Variants in ZNF567 observed in about 807,000 individuals in gnomAD.
ZNF567 encodes zinc finger protein 567.
A neutral mutation model predicts 53.9 loss-of-function variants in ZNF567; 36 were observed. The ratio of observed to expected loss-of-function variants is 0.67; its 90% CI spans 0.51 to 0.88. ZNF567 has a LOEUF of 0.88. ZNF567 is among the 40% of genes least tolerant of loss of function. ZNF567 has a pLI of 0.00. For synonymous variants in ZNF567, 224 were observed against 260.4 expected (o/e 0.86, Z 1.35); for missense variants, 619 against 764.7 (o/e 0.81, Z 2.25).
chr19:36,678,482 C>T, the ZNF567 span, among the ~76,000 whole-genome samples: 1 of 152,074 alleles, frequency 6.6e-6, no homozygotes, highest in African/African-American at 2.4e-5. Flanking sequence ...AAAATACTTG[C>T]AAATCATATA....
rs1474028279 is a variant in ZNF567 at position 36,720,539 on chromosome 19, T to G, written c.1815T>G (p.Ile605Met). ...GKCFRQKTNLIVHQRTHTGEK... is the reference protein window; with the variant it reads ...GKCFRQKTNLMVHQRTHTGEK... ...GCTTCCGCCAGAAGACAAATCTTAT[T>G]GTACATCAGAGAACTCACACAGGTG... The change falls in exon 6 of 6, where the codon ATT becomes ATG. Residue 605 changes from isoleucine (I) to methionine (M), a missense_variant. Transcript: ENST00000682579. 1.2e-6 allele frequency: 2 copies of G among 1,614,050 alleles called. No homozygotes were observed. Among genetic ancestry groups the G allele is most frequent in the Non-Finnish European group, 1.7e-6 (2 of 1,180,026 alleles).
intron 3 of ZNF567, among the ~76,000 whole-genome samples, chr19:36,710,791 C>T (rs1210430928): frequency 2.0e-5 from 3 of 152,146 alleles, no homozygotes; most frequent in East Asian, 3.9e-4. Flanking sequence ...ACCTTAATCC[C>T]GTAAGCCTTA....
chr19:36,707,411 C>A (rs963565910), intron 3 of ZNF567, among the ~76,000 whole-genome samples: 4 of 151,970 alleles, frequency 2.6e-5, no homozygotes, highest in Non-Finnish European at 5.9e-5. Flanking sequence ...CTGATCTTTT[C>A]TTTCTTCAAT....
chr19:36,688,205 C>T (rs1413860906), intron 1 of ZNF567, among the ~76,000 whole-genome samples: 1 of 152,088 alleles, frequency 6.6e-6, no homozygotes, highest in Non-Finnish European at 1.5e-5. Context: ...TGAAATTGTG[C>T]ACGACGTGGG....
chr19:36,719,351 A>C lies in ZNF567; in HGVS notation c.627A>C (p.Ser209=). 1 of 1,613,928 alleles carries C rather than the reference A, an allele frequency of 6.2e-7. No individual in the cohort carries two copies. Among genetic ancestry groups the C allele is most frequent in the Non-Finnish European group, 8.5e-7 (1 of 1,179,974 alleles). Residue 209 remains serine (S), a synonymous_variant, in exon 6 of 6, where the codon TCA becomes TCC. Coordinates refer to ENST00000682579, the MANE Select transcript of ZNF567 (RefSeq NM_001322917.1). The part of the protein sequence containing the change: ...QYQKTETPAQ[S]FGYNDCEKSF... ...AGAAAACGGAAACTCCAGCACAGTCATTTGGATATAATGACTGTGAGAAAT... is the reference window on the plus strand; with the variant it reads ...AGAAAACGGAAACTCCAGCACAGTCCTTTGGATATAATGACTGTGAGAAAT...
chr19:36,694,811 C>T lies in ZNF567; in HGVS notation c.-57C>T, dbSNP rs1302987547. On this transcript the variant is annotated 5_prime_UTR_variant, in exon 3 of 6. Transcript: ENST00000682579. ...GGCTTTGCCTCCTTAGGAACTGCCT[C>T]TTTTCTAAAGAGGACTCCAAAGGAA... is the stretch of plus-strand genomic sequence containing the variant. 1.3e-6 allele frequency: 2 copies of T among 1,497,438 alleles called. No homozygotes were observed. The highest frequency in any genetic ancestry group is 1.4e-5 in the African/African-American group (1 of 70,152). 92.8% of individuals were successfully genotyped at this position (1,497,438 alleles called of 1,614,324 possible).
At chr19:36,680,466 C>T in the ZNF567 span, among the ~76,000 whole-genome samples, 1 of 152,104 alleles carries the variant, frequency 6.6e-6, no homozygotes, top group African/African-American at 2.4e-5. Context: ...ATGGCTGGGT[C>T]ACAAGGGAAA....
the ZNF567 span, among the ~76,000 whole-genome samples, chr19:36,671,368 A>AAT: frequency 6.6e-6 from 1 of 152,186 alleles, no homozygotes; most frequent in East Asian, 1.9e-4. Context: ...CTCCTCCTAC[A>AAT]GTCAAAAAGG....
the ZNF567 span, among the ~76,000 whole-genome samples, chr19:36,677,194 T>C: frequency 1.4e-5 from 2 of 138,942 alleles, no homozygotes; most frequent in Admixed American, 7.5e-5. Flanking sequence ...GTGTGGTGGC[T>C]CACGCCTGTA....
chr19:36,716,584 T>C (rs2040076209), intron 5 of ZNF567, among the ~76,000 whole-genome samples: 1 of 152,232 alleles, frequency 6.6e-6, no homozygotes, highest in Admixed American at 6.5e-5. Context: ...ATTCTTTTCC[T>C]CAAAGATAAG....
Position 36,720,313 on chromosome 19 carries a change from A to T in ZNF567, c.1589A>T (p.Glu530Val). 1.2e-6 allele frequency: 2 copies of T among 1,614,194 alleles called. No homozygotes were observed. Among genetic ancestry groups the T allele is most frequent in the Non-Finnish European group, 1.7e-6 (2 of 1,180,036 alleles). Reference protein sequence around the residue: ...LNLHQRIHTGEKPYVCNECGK... With the variant: ...LNLHQRIHTGVKPYVCNECGK... ...CTACATCAGAGAATTCATACAGGGG[A>T]GAAACCCTATGTTTGTAATGAATGT... The change falls in exon 6 of 6, where the codon GAG (glutamate) becomes GTG (valine). Residue 530 changes from glutamate (E) to valine (V), a missense_variant. By Grantham distance (121) the Glu-to-Val change is moderately radical. Transcript: ENST00000682579.
At chr19:36,668,542 T>G in the ZNF567 span, 1 of 152,250 alleles carries the variant, frequency 6.6e-6, no homozygotes, top group African/African-American at 2.4e-5. Flanking sequence ...ACCAGGAAGG[T>G]CTGAGATGGA....
At chr19:36,716,231 T>A (rs1273991397) in intron 5 of ZNF567, among the ~76,000 whole-genome samples, 1 of 152,188 alleles carries the variant, frequency 6.6e-6, no homozygotes, top group African/African-American at 2.4e-5. Flanking sequence ...AATTTCCACT[T>A]GATCTAGTCT....
the ZNF567 span, among the ~76,000 whole-genome samples, chr19:36,676,877 C>G: frequency 3.3e-5 from 5 of 151,952 alleles, no homozygotes; most frequent in East Asian, 9.7e-4. Flanking sequence ...AAGATAGGGC[C>G]GGGCGCGGTG....
At chr19:36,683,111 G>A (rs141199934), upstream of ZNF567, among the ~76,000 whole-genome samples, 21 of 151,590 alleles carry the variant, frequency 1.4e-4, no homozygotes, top group Admixed American at 2.6e-4. Context: ...TCACTCCAAC[G>A]CTCAGGTTGG....
At chr19:36,725,392 G>A (rs763088591), downstream of ZNF567, among the ~76,000 whole-genome samples, 4 of 152,006 alleles carry the variant, frequency 2.6e-5, no homozygotes, top group Non-Finnish European at 5.9e-5. Flanking sequence ...TAGTAGAAGC[G>A]GGGTTTCACC....
downstream of ZNF567, among the ~76,000 whole-genome samples, chr19:36,726,073 T>C (rs2040334157): frequency 6.6e-6 from 1 of 152,244 alleles, no homozygotes; most frequent in South Asian, 2.1e-4. Context: ...TTCCACTCTT[T>C]GTCCCTCCAT....
chr19:36,723,717 C>G (rs754981994), downstream of ZNF567, among the ~76,000 whole-genome samples: 5 of 151,910 alleles, frequency 3.3e-5, no homozygotes, highest in Non-Finnish European at 5.9e-5. Context: ...TCCTGTAATC[C>G]CAGCTACTCG....
intron 3 of ZNF567, among the ~76,000 whole-genome samples, chr19:36,701,564 C>T (rs1353429824): frequency 2.0e-5 from 3 of 152,114 alleles, no homozygotes; most frequent in East Asian, 3.9e-4. Context: ...GAGTCTAAGT[C>T]TCTTTCTAGG....
Sources: gnomAD v4.1 joint callset for allele counts (sites outside exome capture counted in the v4.1 genomes callset) on GRCh38, gnomAD v4.1.1 for gene constraint, MANE v1.5 for transcripts, NCBI Gene and HGNC (gene_info 2026-07-23, HGNC 2026-07-21) for gene names.